SEMA3A: variants seen among roughly 807,000 people sequenced by gnomAD.
SEMA3A encodes semaphorin-3A.
Under a neutral mutation model 97.9 loss-of-function variants are expected in SEMA3A, and 29 were observed. The observed-to-expected ratio is 0.30, with a 90% CI of 0.22 to 0.40. SEMA3A has a LOEUF of 0.40. Among genes scored for constraint, SEMA3A ranks in the 10% least tolerant of loss-of-function variants. SEMA3A has a pLI of 1.00. For synonymous variants in SEMA3A, 321 were observed against 323.7 expected, an observed-to-expected ratio of 0.99 and a Z score of 0.09; for missense variants, 763 against 951.3, an observed-to-expected ratio of 0.80 and a Z score of 2.60.
chr7:84,151,670 G>A (rs938460519), intron 1 of SEMA3A, among the ~76,000 whole-genome samples: 13 of 152,112 alleles, frequency 8.5e-5, no homozygotes, highest in African/African-American at 1.4e-4. Context: ...CACTCTGCAG[G>A]CAACAAAAGA....
intron 2 of SEMA3A, among the ~76,000 whole-genome samples, chr7:84,359,025 A>C (rs1802644143): frequency 6.6e-6 from 1 of 152,192 alleles, no homozygotes; most frequent in African/African-American, 2.4e-5. Context: ...AAAGCAGCTT[A>C]AGGAGATTTT....
intron 4 of SEMA3A, among the ~76,000 whole-genome samples, chr7:84,103,403 T>TA (rs200349893): frequency 4.1e-4 from 62 of 152,050 alleles, no homozygotes; most frequent in Middle Eastern, 3.4e-3. Context: ...AATTTTAAAT[T>TA]AAAAAAAATA....
At chr7:84,245,665 TGGGTAGCA>T (rs1799460650) in intron 3 of SEMA3A, among the ~76,000 whole-genome samples, 1 of 151,944 alleles carries the variant, frequency 6.6e-6, no homozygotes, top group Non-Finnish European at 1.5e-5. Flanking sequence ...CCTGTTTGCC[TGGGTAGCA>T]CCAGTGGAGG....
chr7:83,980,623 A>AAT lies in SEMA3A; in HGVS notation c.1652+696_1652+697dup, dbSNP rs1554383378. Among the ~76,000 whole-genome samples, 325 of 71,662 alleles carry AAT rather than the reference A, an allele frequency of 4.5e-3. 4 individuals are homozygous for AAT. Among genetic ancestry groups the AAT allele is most frequent in the African/African-American group, 0.015 (185 of 12,008 alleles). 47.0% of individuals were successfully genotyped at this position (71,662 alleles called of 152,430 possible). A position where few individuals can be genotyped will look rare whatever the true frequency, so the allele number is the denominator to read the frequency against. On this transcript the variant is annotated intron_variant, in intron 14 of 16. Transcript: ENST00000265362. ...CATCTCAAAAAAAAAAAAAAAAAAA[A>AAT]ATATATATATATATATACACACACA...
intron 1 of SEMA3A, among the ~76,000 whole-genome samples, chr7:84,143,568 G>A (rs1454682138): frequency 1.4e-5 from 2 of 139,396 alleles, no homozygotes; most frequent in Non-Finnish European, 3.1e-5. Context: ...AAAGAGTGGA[G>A]GTGCAGACTG....
chr7:84,192,467 T>A (rs1181967551), intron 1 of SEMA3A, among the ~76,000 whole-genome samples: 1 of 151,936 alleles, frequency 6.6e-6, no homozygotes, highest in Non-Finnish European at 1.5e-5. Flanking sequence ...AAAGCAGTTT[T>A]TTACTTAAAG....
intron 12 of SEMA3A, among the ~76,000 whole-genome samples, chr7:84,000,411 T>TTGAAGA (rs1790394033): frequency 6.6e-6 from 1 of 152,154 alleles, no homozygotes; most frequent in Admixed American, 6.6e-5. Flanking sequence ...TTTTATTATC[T>TTGAAGA]TGAAGACTTA....
chr7:84,466,348 T>A (rs990697783), intron 1 of SEMA3A, among the ~76,000 whole-genome samples: 1 of 152,140 alleles, frequency 6.6e-6, no homozygotes, highest in African/African-American at 2.4e-5. Flanking sequence ...AATTTTTGTA[T>A]TTTTAGTAGA....
intron 1 of SEMA3A, among the ~76,000 whole-genome samples, chr7:84,429,314 G>A (rs1274087282): frequency 1.3e-5 from 2 of 150,910 alleles, no homozygotes; most frequent in African/African-American, 4.9e-5. Context: ...GAACTAGTAC[G>A]ACATCTCCAA....
rs552400901 is a variant in SEMA3A at position 84,041,580 on chromosome 7, G to T, written c.667+4744C>A. Reference sequence around the variant, plus strand: ...TTAAGTATTCTCATTTTATTTCTGTGACTTTATACATTGATACTCCAGAAT... The same window carrying T: ...TTAAGTATTCTCATTTTATTTCTGTTACTTTATACATTGATACTCCAGAAT... On this transcript the variant is annotated intron_variant, in intron 6 of 16. Coordinates refer to ENST00000265362, the MANE Select transcript of SEMA3A (RefSeq NM_006080.3). 3.0e-3 allele frequency among the ~76,000 whole-genome samples: 455 copies of T among 152,120 alleles called. 1 individual carries two copies. Among genetic ancestry groups the T allele is most frequent in the African/African-American group, 0.01 (423 of 41,518 alleles).
At chr7:84,168,450 G>T (rs1234722875) in intron 1 of SEMA3A, among the ~76,000 whole-genome samples, 2 of 151,724 alleles carry the variant, frequency 1.3e-5, no homozygotes, top group African/African-American at 4.8e-5. Context: ...AATATATATA[G>T]GTCTTTTTAC....
chr7:84,058,225 T>A (rs1298697459), intron 5 of SEMA3A, among the ~76,000 whole-genome samples: 1 of 152,178 alleles, frequency 6.6e-6, no homozygotes, highest in African/African-American at 2.4e-5. Context: ...ATCTTATTTG[T>A]ACCAATGAGG....
chr7:84,082,196 T>C (rs1344642140), intron 4 of SEMA3A, among the ~76,000 whole-genome samples: 2 of 152,206 alleles, frequency 1.3e-5, no homozygotes, highest in Non-Finnish European at 2.9e-5. Flanking sequence ...CCTAGTGATA[T>C]TGACATGTCC....
intron 12 of SEMA3A, among the ~76,000 whole-genome samples, chr7:83,988,855 T>C (rs1011969430): frequency 2.1e-5 from 3 of 142,606 alleles, no homozygotes; most frequent in East Asian, 5.1e-4. Context: ...ATCATGGATA[T>C]TCAGCTTTTT....
intron 2 of SEMA3A, among the ~76,000 whole-genome samples, chr7:84,321,278 G>T (rs971535414): frequency 6.6e-6 from 1 of 152,038 alleles, no homozygotes; most frequent in East Asian, 1.9e-4. Context: ...CATGAAAATT[G>T]CTCTTTATTG....
chr7:84,457,685 C>A (rs1805720283), intron 1 of SEMA3A, among the ~76,000 whole-genome samples: 1 of 151,822 alleles, frequency 6.6e-6, no homozygotes. Context: ...ATGTAATTAA[C>A]CTCTGATTAT....
intron 2 of SEMA3A, among the ~76,000 whole-genome samples, chr7:84,323,091 A>G (rs1801689637): frequency 6.6e-6 from 1 of 152,244 alleles, no homozygotes. Context: ...TTAAATCACT[A>G]TTTAAATGAA....
At chr7:84,020,035 CTTTTTTTTTTT>C (rs781108685) in intron 6 of SEMA3A, among the ~76,000 whole-genome samples, 11 of 58,256 alleles carry the variant, frequency 1.9e-4, no homozygotes, top group Admixed American at 5.4e-4. Flanking sequence ...TTTTTTCTTT[CTTTTTTTTTTT>C]TTTTTTTTTT....
At chr7:84,316,160 A>AAAAAAAAAT (rs1801495750) in intron 2 of SEMA3A, among the ~76,000 whole-genome samples, 4 of 141,658 alleles carry the variant, frequency 2.8e-5, no homozygotes, top group East Asian at 2.1e-4. Flanking sequence ...AAAAAAAAAA[A>AAAAAAAAAT]GTGCTCCCTG....
Sources: gnomAD v4.1 joint callset for allele counts (sites outside exome capture counted in the v4.1 genomes callset) on GRCh38, gnomAD v4.1.1 for gene constraint, MANE v1.5 for transcripts, NCBI Gene and HGNC (gene_info 2026-07-23, HGNC 2026-07-21) for gene names.